ROBO1: variants seen among roughly 807,000 people sequenced by gnomAD.
The protein encoded by ROBO1 is roundabout guidance receptor 1.
In ROBO1, 149 loss-of-function variants were observed where a neutral mutation model predicts 195.9. That is an observed-to-expected ratio of 0.76 (90% CI 0.67 to 0.87). The LOEUF (loss-of-function observed/expected upper bound fraction) is 0.87. Ranked by LOEUF, ROBO1 falls within the 40% of genes least tolerant of loss-of-function variation. The pLI is 0.00. For missense variants in ROBO1, 1,933 were observed against 2,068.3 expected, an observed-to-expected ratio of 0.93 and a Z score of 1.27; for synonymous variants, 816 against 733.2, an observed-to-expected ratio of 1.11 and a Z score of -1.82.
At chr3:78,854,873 T>C (rs191889767) in intron 4 of ROBO1, among the ~76,000 whole-genome samples, 22 of 152,270 alleles carry the variant, frequency 1.4e-4, no homozygotes, top group Admixed American at 4.6e-4. Flanking sequence ...TTAGAAAACA[T>C]AGGACAAACA....
intron 2 of ROBO1, among the ~76,000 whole-genome samples, chr3:79,541,813 G>A (rs201037891): frequency 1.2e-4 from 17 of 138,744 alleles, no homozygotes; most frequent in African/African-American, 2.4e-4. Context: ...GTATATATAT[G>A]TGTGTGTGTG....
intron 2 of ROBO1, among the ~76,000 whole-genome samples, chr3:79,581,040 C>G (rs948687583): frequency 6.6e-6 from 1 of 152,030 alleles, no homozygotes; most frequent in African/African-American, 2.4e-5. Flanking sequence ...TGAGAGAAAG[C>G]AGAATAAATG....
At chr3:79,116,466 GTTTC>G (rs1178280149) in intron 3 of ROBO1, among the ~76,000 whole-genome samples, 3 of 67,302 alleles carry the variant, frequency 4.5e-5, no homozygotes, top group Non-Finnish European at 9.7e-5. Context: ...TTCTTTCTTT[GTTTC>G]TTTCTCTCTT....
intron 2 of ROBO1, among the ~76,000 whole-genome samples, chr3:79,494,455 A>T (rs1939624195): frequency 6.6e-6 from 1 of 152,226 alleles, no homozygotes; most frequent in Non-Finnish European, 1.5e-5. Context: ...CTGCAAAAAA[A>T]TACAATTTTT....
chr3:79,341,121 C>T (rs945410925), intron 2 of ROBO1, among the ~76,000 whole-genome samples: 2 of 152,266 alleles, frequency 1.3e-5, no homozygotes, highest in South Asian at 4.1e-4. Flanking sequence ...AAACCAGAAA[C>T]CCTCATGAAT....
intron 4 of ROBO1, among the ~76,000 whole-genome samples, chr3:78,932,396 C>A (rs147465547): frequency 3.3e-5 from 5 of 152,254 alleles, no homozygotes; most frequent in African/African-American, 4.8e-5. Context: ...TGAATATCAG[C>A]TACTTTTCAA....
intron 3 of ROBO1, among the ~76,000 whole-genome samples, chr3:78,968,785 T>C (rs917971056): frequency 6.6e-6 from 1 of 152,148 alleles, no homozygotes; most frequent in Non-Finnish European, 1.5e-5. Flanking sequence ...GGCTGACAAA[T>C]AGGTTTCATT....
intron 3 of ROBO1, among the ~76,000 whole-genome samples, chr3:78,956,590 T>A (rs1237539619): frequency 6.6e-6 from 1 of 152,176 alleles, no homozygotes; most frequent in Non-Finnish European, 1.5e-5. Flanking sequence ...AATAAACATT[T>A]GTTGAATGAA....
intron 5 of ROBO1, among the ~76,000 whole-genome samples, chr3:78,731,436 AAATC>A (rs1382912461): frequency 2.6e-5 from 4 of 152,112 alleles, no homozygotes; most frequent in African/African-American, 9.6e-5. Context: ...GAACAAAGTA[AAATC>A]AATGAAAAAA....
At chr3:78,983,937 C>T (rs1049171520) in intron 3 of ROBO1, among the ~76,000 whole-genome samples, 1 of 152,046 alleles carries the variant, frequency 6.6e-6, no homozygotes, top group African/African-American at 2.4e-5. Context: ...GTACAAGTAA[C>T]TTGTAATGTG....
At chr3:79,561,552 T>C (rs909977730) in intron 2 of ROBO1, among the ~76,000 whole-genome samples, 2 of 152,186 alleles carry the variant, frequency 1.3e-5, no homozygotes, top group Admixed American at 1.3e-4. Flanking sequence ...GATGTCATGC[T>C]GTAGATTGTA....
intron 1 of ROBO1, among the ~76,000 whole-genome samples, chr3:79,606,049 T>C (rs1944473129): frequency 6.6e-6 from 1 of 151,374 alleles, no homozygotes; most frequent in South Asian, 2.1e-4. Flanking sequence ...TATATATATA[T>C]ATACACCCAT....
intron 4 of ROBO1, among the ~76,000 whole-genome samples, chr3:78,800,724 T>C (rs2084342881): frequency 6.6e-6 from 1 of 151,922 alleles, no homozygotes; most frequent in Non-Finnish European, 1.5e-5. Context: ...GCCCAGCTAA[T>C]TTTTTTGTTT....
intron 3 of ROBO1, among the ~76,000 whole-genome samples, chr3:79,008,888 C>T (rs79055903): frequency 2.7e-3 from 323 of 121,272 alleles, no homozygotes; most frequent in African/African-American, 9.8e-3. Context: ...TGCACCCAGC[C>T]GTGTGTGTGT....
At chr3:78,910,817 T>C (rs2038197695) in intron 4 of ROBO1, among the ~76,000 whole-genome samples, 1 of 152,014 alleles carries the variant, frequency 6.6e-6, no homozygotes, top group Non-Finnish European at 1.5e-5. Context: ...AAAAGCAATG[T>C]TAAAGTATAT....
rs555412380 is a variant in ROBO1 at position 79,449,662 on chromosome 3, G to GT, written c.88+140161dup. 5.3e-5 allele frequency among the ~76,000 whole-genome samples: 8 copies of GT among 151,922 alleles called. No homozygotes were observed. In the East Asian group the frequency reaches 9.7e-4, roughly 18 times the overall value. The stretch of plus-strand genomic sequence containing the variant: ...TATAAAATCTACTTAAAATATTTGA[G>GT]TTTTTTTTCTGGAAGGAGTCAATAA... On this transcript the variant is annotated intron_variant, in intron 2 of 30. Coordinates refer to ENST00000464233, the MANE Select transcript of ROBO1 (RefSeq NM_002941.4).
At chr3:79,608,156 T>C (rs1944548648) in intron 1 of ROBO1, among the ~76,000 whole-genome samples, 2 of 152,002 alleles carry the variant, frequency 1.3e-5, no homozygotes, top group Non-Finnish European at 1.5e-5. Flanking sequence ...GTTCGTCGTA[T>C]GGAAATTTGG....
At chr3:79,592,606 C>A (rs1944038673) in intron 1 of ROBO1, among the ~76,000 whole-genome samples, 2 of 151,934 alleles carry the variant, frequency 1.3e-5, no homozygotes, top group Admixed American at 1.3e-4. Flanking sequence ...AAAGAGATTT[C>A]TCATTCACTT....
chr3:79,375,587 C>A (rs904087521), intron 2 of ROBO1, among the ~76,000 whole-genome samples: 10 of 152,146 alleles, frequency 6.6e-5, no homozygotes, highest in African/African-American at 2.2e-4. Flanking sequence ...CTTCTCAGGG[C>A]CCCAGCCAAG....
Sources: gnomAD v4.1 joint callset for allele counts (sites outside exome capture counted in the v4.1 genomes callset) on GRCh38, gnomAD v4.1.1 for gene constraint, MANE v1.5 for transcripts, NCBI Gene and HGNC (gene_info 2026-07-23, HGNC 2026-07-21) for gene names.